The following LAMC3 variants were observed in gnomAD, a reference collection of about 807,000 sequenced individuals.
LAMC3 encodes the protein laminin subunit gamma 3.
In LAMC3, 128 loss-of-function variants were observed where a neutral mutation model predicts 173.8. The ratio of observed to expected loss-of-function variants is 0.74; its 90% CI spans 0.64 to 0.85. The LOEUF is 0.85. LAMC3 is among the 40% of genes least tolerant of loss of function. The pLI, the probability that LAMC3 is intolerant of heterozygous loss-of-function variation, is 0.00. For synonymous variants in LAMC3, 897 were observed against 909.1 expected, an observed-to-expected ratio of 0.99 and a Z score of 0.24; for missense variants, 2,022 against 2,156.0, an observed-to-expected ratio of 0.94 and a Z score of 1.23.
intron 3 of LAMC3, among the ~76,000 whole-genome samples, chr9:131,034,603 G>C (rs1833907419): frequency 6.6e-6 from 1 of 152,268 alleles, no homozygotes; most frequent in African/African-American, 2.4e-5. Flanking sequence ...CTTAGCATCT[G>C]TGAGTTCCAA....
intron 2 of LAMC3, among the ~76,000 whole-genome samples, chr9:131,027,456 G>T (rs888647372): frequency 1.3e-5 from 2 of 152,166 alleles, no homozygotes; most frequent in African/African-American, 2.4e-5. Context: ...ATAGAGCCCT[G>T]GGTCCCACGC....
At chr9:131,034,905 G>T (rs1588144196) in intron 3 of LAMC3, among the ~76,000 whole-genome samples, 1 of 152,156 alleles carries the variant, frequency 6.6e-6, no homozygotes, top group East Asian at 1.9e-4. Flanking sequence ...CCCCGTATTT[G>T]TCCATTCTTG....
chr9:131,073,094 C>A, intron 19 of LAMC3, 151 bp from the exon 20 acceptor site: 1 of 732,540 alleles, frequency 1.4e-6, no homozygotes, highest in Non-Finnish European at 2.4e-6. Flanking sequence ...CATCCTAGGA[C>A]TCCGCTCACT....
rs1000993223 is a variant in LAMC3, at chr9:131,071,360, G to A, written c.3070-124G>A. On this transcript the variant is annotated intron_variant, in intron 17 of 27. Coordinates refer to ENST00000361069, the MANE Select transcript of LAMC3 (RefSeq NM_006059.4). ...GGTGTGGCATACCCTTAGCGCTGAG[G>A]CCCAGGGGAGGATTTGGAGAAGGGA... 41 of 1,124,156 alleles carry A rather than the reference G, an allele frequency of 3.6e-5. No homozygotes were observed. In the African/African-American group the frequency reaches 5.3e-4, roughly 14 times the overall value. The allele number at this position is 1,124,156 out of a possible 1,614,324, so 69.6% of individuals were successfully genotyped here.
In LAMC3 at chr9:131,091,711, C is replaced by T; in HGVS notation, c.4652C>T (p.Ala1551Val). The change falls in exon 28 of 28, where the codon GCC becomes GTC. Residue 1551 changes from alanine (A) to valine (V), a missense_variant. Physicochemically the swap from Ala to Val is moderately conservative, Grantham distance 64. Transcript: ENST00000361069. ...ATCCAGGGCTTCGAGAGTGACCTCGCCGAGATCCGCGCCGACAAACAGAAC... is the reference window on the plus strand; with the variant it reads ...ATCCAGGGCTTCGAGAGTGACCTCGTCGAGATCCGCGCCGACAAACAGAAC... ...LQIQGFESDL[A>V]EIRADKQNLE... 3.7e-6 allele frequency: 6 copies of T among 1,612,506 alleles called. No homozygotes were observed. The highest frequency in any genetic ancestry group is 5.1e-6 in the Non-Finnish European group (6 of 1,179,590).
intron 21 of LAMC3, 22 bp from the exon 22 acceptor site, chr9:131,077,165 C>T (rs369285829): frequency 3.2e-5 from 51 of 1,612,542 alleles, no homozygotes; most frequent in Admixed American, 1.7e-4. Flanking sequence ...CACCCAGCTC[C>T]GTGGCCTCTG....
At chr9:131,027,738 G>A (rs986952229) in intron 2 of LAMC3, among the ~76,000 whole-genome samples, 45 of 152,210 alleles carry the variant, frequency 3.0e-4, no homozygotes, top group South Asian at 2.1e-4. Flanking sequence ...TGACCAGTGC[G>A]GTGCTTGGCA....
intron 25 of LAMC3, 23 bp from the exon 26 acceptor site, chr9:131,087,453 T>G: frequency 6.2e-7 from 1 of 1,613,560 alleles, no homozygotes; most frequent in Non-Finnish European, 8.5e-7. Context: ...TTCTTCTCCC[T>G]GCCACTGCCA....
chr9:131,057,191 C>A, intron 12 of LAMC3, 44 bp downstream of exon 12: 2 of 1,544,068 alleles, frequency 1.3e-6, no homozygotes, highest in South Asian at 1.1e-5. Flanking sequence ...GGGTTATACC[C>A]AAAACAGCGG....
intron 20 of LAMC3, among the ~76,000 whole-genome samples, chr9:131,075,026 G>A (rs1830099283): frequency 6.6e-6 from 1 of 152,200 alleles, no homozygotes; most frequent in Non-Finnish European, 1.5e-5. Context: ...CACTTTGGGA[G>A]GCTGAGGCAT....
chr9:131,022,784 C>T (rs916007334), intron 1 of LAMC3, among the ~76,000 whole-genome samples: 1 of 152,024 alleles, frequency 6.6e-6, no homozygotes, highest in Admixed American at 6.6e-5. Flanking sequence ...TGCTATGTTA[C>T]CCAGGCTGGT....
intron 3 of LAMC3, among the ~76,000 whole-genome samples, chr9:131,033,418 G>A (rs191884784): frequency 5.3e-4 from 81 of 152,262 alleles, no homozygotes; most frequent in African/African-American, 1.9e-3. Context: ...CCTGGGGTCG[G>A]GGAGGACAGG....
At chr9:131,072,516 TC>T (rs1460417607) in intron 18 of LAMC3, 113 bp from the exon 19 acceptor site, 1 of 860,054 alleles carries the variant, frequency 1.2e-6, no homozygotes, top group South Asian at 1.4e-5. Context: ...CTGTTGGTGC[TC>T]AGGGCTGCTG....
chr9:131,037,532 C>T (rs564125668), intron 4 of LAMC3, among the ~76,000 whole-genome samples: 23 of 152,322 alleles, frequency 1.5e-4, no homozygotes, highest in African/African-American at 5.5e-4. Flanking sequence ...GAAACACGGC[C>T]TCACTCTGTC....
rs13286358 is a variant in LAMC3, at chr9:131,009,289, C to T, written c.75C>T (p.Cys25=). 0.054 allele frequency: 75,906 copies of T among 1,417,940 alleles called. 3,421 individuals are homozygous for T. Among genetic ancestry groups the T allele is most frequent in the African/African-American group, 0.24 (15,851 of 66,276 alleles). 87.8% of individuals were successfully genotyped at this position (1,417,940 alleles called of 1,614,324 possible). A position where few individuals can be genotyped will look rare whatever the true frequency, so the allele number is the denominator to read the frequency against. Residue 25 remains cysteine, a synonymous_variant, in exon 1 of 28, where the codon TGC becomes TGT. Coordinates refer to ENST00000361069, the MANE Select transcript of LAMC3 (RefSeq NM_006059.4). The surrounding 1 kb of genome is among the most constrained non-coding windows in gnomAD (Gnocchi z 4.3). Reference sequence around the variant, plus strand: ...CGGCCGGCGCGGGCATGGGCGCGTGCTATGACGGCGCAGGGCGCCCGCAGC... The same window carrying T: ...CGGCCGGCGCGGGCATGGGCGCGTGTTATGACGGCGCAGGGCGCCCGCAGC... ...PRAAGAGMGA[C]YDGAGRPQRC...
chr9:131,083,353 C>G (rs1398582080), intron 24 of LAMC3, among the ~76,000 whole-genome samples: 1 of 152,192 alleles, frequency 6.6e-6, no homozygotes, highest in African/African-American at 2.4e-5. Context: ...CCTCTAACCC[C>G]AGGCTCTTTT....
At chr9:131,050,553 G>A (rs1184751791) in intron 9 of LAMC3, among the ~76,000 whole-genome samples, 3 of 152,162 alleles carry the variant, frequency 2.0e-5, no homozygotes, top group Admixed American at 1.3e-4. Flanking sequence ...ATCTTCTGAG[G>A]TCAGGAGTTC....
intron 9 of LAMC3, 23 bp downstream of exon 9, chr9:131,049,153 G>T: frequency 1.4e-6 from 2 of 1,423,812 alleles, no homozygotes; most frequent in African/African-American, 1.4e-5. Context: ...CCAGGTGGGG[G>T]CTGGCCGCCC....
In LAMC3 at chr9:131,045,378, C is replaced by T. The variant is rs1834135458; in HGVS notation, c.1383-146C>T. 3.6e-6 allele frequency: 3 copies of T among 831,632 alleles called. No individual in the cohort carries two copies. The African/African-American group carries it at 5.0e-5, about 14-fold the overall frequency. 51.5% of individuals were successfully genotyped at this position (831,632 alleles called of 1,614,324 possible). On this transcript the variant is annotated intron_variant, in intron 7 of 27. Coordinates refer to ENST00000361069, the MANE Select transcript of LAMC3 (RefSeq NM_006059.4). The stretch of plus-strand genomic sequence containing the variant: ...ATGGGAACAATCTGTAATGTTCTTA[C>T]TACTCTTCTAGAATTCTGAAAAAAA...
Sources: allele counts gnomAD v4.1 joint callset (sites outside exome capture counted in the v4.1 genomes callset), GRCh38; gene constraint gnomAD v4.1.1; non-coding constraint Gnocchi (gnomAD v3.1); transcripts MANE v1.5; gene names NCBI Gene and HGNC (gene_info 2026-07-23, HGNC 2026-07-21).